The following HIVEP2 variants were observed in gnomAD, a reference collection of about 807,000 sequenced individuals.
HIVEP2 encodes the protein HIVEP zinc finger 2.
HIVEP2 carries 14 observed loss-of-function variants against 180.7 expected under a neutral mutation model. That is an observed-to-expected ratio of 0.08 (90% confidence interval 0.05 to 0.12). The LOEUF (loss-of-function observed/expected upper bound fraction) is 0.12, where lower values mean the gene tolerates loss of function less well. Among genes scored for constraint, HIVEP2 ranks in the 10% least tolerant of loss-of-function variants. The pLI, the probability that HIVEP2 is intolerant of heterozygous loss-of-function variation, is 1.00. For missense variants in HIVEP2, 2,579 were observed against 3,008.5 expected (o/e 0.86, Z 3.34); for synonymous variants, 1,184 against 1,136.4 (o/e 1.04, Z -0.84).
At chr6:142,875,764 G>C in intron 1 of HIVEP2, among the ~76,000 whole-genome samples, 1 of 152,112 alleles carries the variant, frequency 6.6e-6, no homozygotes. Flanking sequence ...AGGTTTGGTG[G>C]AGGAGCACAG....
At position 142,841,546 on chromosome 6, in the gene HIVEP2, G is replaced by A. The variant is rs148191249; in HGVS notation, c.-640-4499C>T. Among the ~76,000 whole-genome samples the A allele has an allele frequency of 7.3e-3, 1,104 of 151,974 alleles. 6 individuals carry two copies. Among genetic ancestry groups the A allele is most frequent in the Non-Finnish European group, 0.012 (838 of 67,956 alleles). On this transcript the variant is annotated intron_variant, in intron 1 of 9. Transcript: ENST00000367603. ...CATTTTCTTTTTTCAAATGTTCATC[G>A]ATATTTTCTTTTCTGCATGAGTATA...
intron 1 of HIVEP2, among the ~76,000 whole-genome samples, chr6:142,884,769 A>G (rs1359116049): frequency 6.6e-6 from 1 of 152,214 alleles, no homozygotes; most frequent in African/African-American, 2.4e-5. Flanking sequence ...GCTAGTGACT[A>G]AATCTCACTA....
chr6:142,768,296 A>G, intron 6 of HIVEP2, 86 bp downstream of exon 6: 1 of 1,270,956 alleles, frequency 7.9e-7, no homozygotes, highest in Admixed American at 2.2e-5. Flanking sequence ...CAACCAGATT[A>G]GACAGTACCT....
At chr6:142,848,339 T>C (rs1170987123) in intron 1 of HIVEP2, among the ~76,000 whole-genome samples, 2 of 152,224 alleles carry the variant, frequency 1.3e-5, no homozygotes, top group South Asian at 2.1e-4. Context: ...AAAACATTCA[T>C]ATCCTCTTTT....
intron 1 of HIVEP2, among the ~76,000 whole-genome samples, chr6:142,845,205 G>T (rs926078113): frequency 6.6e-6 from 1 of 152,226 alleles, no homozygotes; most frequent in African/African-American, 2.4e-5. Context: ...ACAGATTTGG[G>T]GGAGGGGTTT....
intron 1 of HIVEP2, among the ~76,000 whole-genome samples, chr6:142,910,774 G>A (rs191914028): frequency 3.3e-5 from 5 of 152,206 alleles, no homozygotes; most frequent in South Asian, 2.1e-4. Flanking sequence ...TCAGATCACC[G>A]GCAGCAGAAT....
chr6:142,786,475 C>T (rs1308565136), intron 2 of HIVEP2, among the ~76,000 whole-genome samples: 1 of 152,184 alleles, frequency 6.6e-6, no homozygotes, highest in African/African-American at 2.4e-5. Context: ...TGTCAACCTG[C>T]AGGTTAATGG....
intron 1 of HIVEP2, among the ~76,000 whole-genome samples, chr6:142,892,289 G>A (rs968088750): frequency 1.3e-5 from 2 of 152,112 alleles, no homozygotes; most frequent in African/African-American, 4.8e-5. Flanking sequence ...ATAAAGAAGG[G>A]GCAAGTCCAA....
chr6:142,894,165 G>C (rs1313184364), intron 1 of HIVEP2, among the ~76,000 whole-genome samples: 1 of 152,260 alleles, frequency 6.6e-6, no homozygotes, highest in Non-Finnish European at 1.5e-5. Flanking sequence ...TGTCATATCT[G>C]TGTTCCATCC....
intron 6 of HIVEP2, among the ~76,000 whole-genome samples, chr6:142,767,530 G>A (rs1442657806): frequency 1.3e-5 from 2 of 152,182 alleles, no homozygotes; most frequent in Admixed American, 1.3e-4. Flanking sequence ...TCATGCCCAT[G>A]AAGATATGTA....
rs1318016943 is a variant in HIVEP2, at chr6:142,770,298, A to T, written c.4441T>A (p.Ser1481Thr). The change falls in exon 5 of 10, where the codon TCA (serine) becomes ACA (threonine). Residue 1481 changes from serine to threonine, a missense_variant. Ser to Thr is a moderately conservative substitution (Grantham distance 58). Coordinates refer to ENST00000367603, the MANE Select transcript of HIVEP2 (RefSeq NM_006734.4). The surrounding 1 kb of genome is among the most constrained non-coding windows in gnomAD (Gnocchi z 4.7). Reference sequence around the variant, plus strand: ...CGGGAGAGGTCCTTTTTGATGTCTGAGTTGGTCAGCTCCACAGCACTAAGC... The same window carrying T: ...CGGGAGAGGTCCTTTTTGATGTCTGTGTTGGTCAGCTCCACAGCACTAAGC... ...EELSAVELTN[S>T]DIKKDLSRPQ... 6.2e-7 allele frequency: 1 copy of T among 1,613,976 alleles called. No homozygotes were observed. The highest frequency in any genetic ancestry group is 8.5e-7 in the Non-Finnish European group (1 of 1,180,032).
At chr6:142,805,896 G>A (rs1360916655) in intron 2 of HIVEP2, among the ~76,000 whole-genome samples, 1 of 152,120 alleles carries the variant, frequency 6.6e-6, no homozygotes, top group African/African-American at 2.4e-5. Context: ...TTTGCCTGGT[G>A]CCAGGTCTAC....
intron 9 of HIVEP2, among the ~76,000 whole-genome samples, chr6:142,759,540 T>C (rs1775166827): frequency 6.6e-6 from 1 of 152,222 alleles, no homozygotes; most frequent in African/African-American, 2.4e-5. Context: ...GCCTCACCTG[T>C]TCCCACTGGG....
intron 1 of HIVEP2, among the ~76,000 whole-genome samples, chr6:142,914,331 A>G (rs890985537): frequency 9.9e-5 from 15 of 152,206 alleles, no homozygotes; most frequent in Admixed American, 8.5e-4. Flanking sequence ...TCTTAGAGGT[A>G]CATCAAATGC....
rs933080702 is a variant in HIVEP2, at chr6:142,772,516, T to G, written c.2223A>C (p.Gly741=). The change falls in exon 5 of 10, where the codon GGA becomes GGC. Residue 741 remains glycine (G), a synonymous_variant. Transcript: ENST00000367603. The surrounding 1 kb of genome is among the most constrained non-coding windows in gnomAD (Gnocchi z 4.9). ...KLQMQEGVRS[G]FAMAGHENLS... Reference sequence around the variant, plus strand: ...GGTTTTCGTGTCCAGCCATGGCAAATCCACTCCTGACTCCTTCCTGCATCT... The same window carrying G: ...GGTTTTCGTGTCCAGCCATGGCAAAGCCACTCCTGACTCCTTCCTGCATCT... 1 of 1,614,080 alleles carries G rather than the reference T, an allele frequency of 6.2e-7. No individual in the cohort carries two copies. The highest frequency in any genetic ancestry group is 8.5e-7 in the Non-Finnish European group (1 of 1,180,036).
At chr6:142,927,213 G>A (rs1265137226) in intron 1 of HIVEP2, among the ~76,000 whole-genome samples, 1 of 152,168 alleles carries the variant, frequency 6.6e-6, no homozygotes, top group Non-Finnish European at 1.5e-5. Context: ...CCACCGCCTG[G>A]ATTTCCCACG....
At chr6:142,756,464 C>T (rs764109980) in intron 9 of HIVEP2, among the ~76,000 whole-genome samples, 27 of 152,156 alleles carry the variant, frequency 1.8e-4, no homozygotes, top group Non-Finnish European at 3.4e-4. Context: ...CTGCATGGGC[C>T]ACCTCCCTGG....
intron 1 of HIVEP2, among the ~76,000 whole-genome samples, chr6:142,889,170 G>A (rs1776789732): frequency 6.6e-6 from 1 of 152,110 alleles, no homozygotes; most frequent in Admixed American, 6.5e-5. Flanking sequence ...ACACTGCATT[G>A]ACATTTTAAA....
chr6:142,821,059 G>C (rs985166039), intron 2 of HIVEP2, among the ~76,000 whole-genome samples: 27 of 152,214 alleles, frequency 1.8e-4, no homozygotes, highest in Admixed American at 1.6e-3. Context: ...TCAAGGCACT[G>C]TCATGTCCTT....
Sources: allele counts gnomAD v4.1 joint callset (sites outside exome capture counted in the v4.1 genomes callset), GRCh38; gene constraint gnomAD v4.1.1; non-coding constraint Gnocchi (gnomAD v3.1); transcripts MANE v1.5; gene names NCBI Gene and HGNC (gene_info 2026-07-23, HGNC 2026-07-21).